The following GPC6 variants were observed in gnomAD, a reference collection of about 807,000 sequenced individuals.
The protein encoded by GPC6 is glypican-6.
Under a neutral mutation model 55.2 loss-of-function variants are expected in GPC6, and 14 were observed. The observed-to-expected ratio is 0.25, with a 90% confidence interval of 0.17 to 0.40. The LOEUF (loss-of-function observed/expected upper bound fraction) is 0.40. Ranked by LOEUF, GPC6 falls within the 10% of genes least tolerant of loss-of-function variation. GPC6 has a pLI of 1.00. For synonymous variants in GPC6, 278 were observed against 259.6 expected (o/e 1.07, Z -0.68); for missense variants, 641 against 708.5 (o/e 0.90, Z 1.08).
At chr13:93,368,390 G>GTCCTTCCTTCCTTCCTTCCT (rs1168320888) in intron 1 of GPC6, among the ~76,000 whole-genome samples, 41 of 56,314 alleles carry the variant, frequency 7.3e-4, no homozygotes, top group East Asian at 2.3e-3. Flanking sequence ...CCTTCCTTCC[G>GTCCTTCCTTCCTTCCTTCCT]TCCTTCCTTC....
At chr13:93,851,585 T>C (rs1888400837) in intron 3 of GPC6, among the ~76,000 whole-genome samples, 1 of 151,854 alleles carries the variant, frequency 6.6e-6, no homozygotes, top group Admixed American at 6.6e-5. Context: ...TATGCTAAAG[T>C]TTCCACTGAC....
chr13:93,490,058 G>T (rs1250941951), intron 1 of GPC6, among the ~76,000 whole-genome samples: 1 of 151,326 alleles, frequency 6.6e-6, no homozygotes, highest in Non-Finnish European at 1.5e-5. Flanking sequence ...TTTTCAAAGG[G>T]AATGCTTCCA....
At chr13:93,520,041 T>C (rs1478932234) in intron 1 of GPC6, among the ~76,000 whole-genome samples, 1 of 151,974 alleles carries the variant, frequency 6.6e-6, no homozygotes, top group Non-Finnish European at 1.5e-5. Flanking sequence ...TCATTCATCA[T>C]AGATTTTACT....
chr13:94,259,142 C>T (rs983381695), intron 4 of GPC6, among the ~76,000 whole-genome samples: 1 of 151,956 alleles, frequency 6.6e-6, no homozygotes, highest in African/African-American at 2.4e-5. Flanking sequence ...TCCCAGAAGC[C>T]CCCTTCTCAT....
intron 2 of GPC6, among the ~76,000 whole-genome samples, chr13:93,575,000 AGGTGAATTGTTGGCCAGGCAC>A (rs1876589459): frequency 6.6e-6 from 1 of 152,174 alleles, no homozygotes; most frequent in Non-Finnish European, 1.5e-5. Flanking sequence ...TTCAATGAAA[AGGTGAATTGTTGGCCAGGCAC>A]GGTGGCTCAT....
At chr13:93,664,296 T>C (rs1233657801) in intron 2 of GPC6, among the ~76,000 whole-genome samples, 1 of 152,208 alleles carries the variant, frequency 6.6e-6, no homozygotes, top group Non-Finnish European at 1.5e-5. Flanking sequence ...AAGATCATGC[T>C]TTTAAAAAGC....
chr13:94,230,144 G>A (rs1346137737), intron 4 of GPC6, among the ~76,000 whole-genome samples: 1 of 152,080 alleles, frequency 6.6e-6, no homozygotes, highest in Non-Finnish European at 1.5e-5. Context: ...TCCTCATGGG[G>A]TCACTGGAAG....
At chr13:93,386,055 C>G (rs1274517709) in intron 1 of GPC6, among the ~76,000 whole-genome samples, 1 of 145,670 alleles carries the variant, frequency 6.9e-6, no homozygotes, top group Non-Finnish European at 1.5e-5. Flanking sequence ...AGCACCCTCA[C>G]TGGGTAATCT....
At chr13:93,816,936 T>C (rs1030875409) in intron 2 of GPC6, among the ~76,000 whole-genome samples, 1 of 152,236 alleles carries the variant, frequency 6.6e-6, no homozygotes, top group Non-Finnish European at 1.5e-5. Context: ...GTGAAGCTTA[T>C]GTTTCAGGTA....
At chr13:93,620,922 T>C (rs1277134531) in intron 2 of GPC6, among the ~76,000 whole-genome samples, 12 of 152,308 alleles carry the variant, frequency 7.9e-5, no homozygotes, top group African/African-American at 2.6e-4. Context: ...TTTCATCTCA[T>C]TGGGCTGCAC....
intron 1 of GPC6, among the ~76,000 whole-genome samples, chr13:93,497,311 C>T (rs1193456014): frequency 6.6e-6 from 1 of 152,114 alleles, no homozygotes; most frequent in Non-Finnish European, 1.5e-5. Context: ...GACTTGTCAC[C>T]CCGCTTTATG....
Position 93,922,315 on chromosome 13 carries a change from C to T in GPC6, c.711+91770C>T, listed in dbSNP as rs567534418. On this transcript the variant is annotated intron_variant, in intron 3 of 8. Coordinates refer to ENST00000377047, the MANE Select transcript of GPC6 (RefSeq NM_005708.5). ...AAAAGGCTATGTATCCTCTTAACAA[C>T]GGAAACAAACATAAATAGCAAGATT... Among the ~76,000 whole-genome samples, 101 of 152,088 alleles carry T rather than the reference C, an allele frequency of 6.6e-4. 2 individuals are homozygous for T. In the South Asian group the frequency reaches 0.019, roughly 29 times the overall value.
chr13:94,216,872 G>A (rs1890241391), intron 4 of GPC6, among the ~76,000 whole-genome samples: 1 of 152,130 alleles, frequency 6.6e-6, no homozygotes, highest in Admixed American at 6.5e-5. Context: ...ACCCAGGGAG[G>A]TCTCCTCTAA....
chr13:93,389,765 T>G (rs1430048261), intron 1 of GPC6, among the ~76,000 whole-genome samples: 4 of 152,110 alleles, frequency 2.6e-5, no homozygotes, highest in Admixed American at 2.6e-4. Context: ...ATTTATTTAT[T>G]TATTTACATA....
chr13:94,338,577 T>C (rs532670136), intron 6 of GPC6, among the ~76,000 whole-genome samples: 67 of 152,308 alleles, frequency 4.4e-4, no homozygotes, highest in African/African-American at 1.6e-3. Context: ...CAGCAATCTA[T>C]TGAGGGCAAG....
chr13:94,034,542 C>T lies in GPC6; in HGVS notation c.877+6648C>T, dbSNP rs537362655. 1.9e-3 allele frequency among the ~76,000 whole-genome samples: 293 copies of T among 152,066 alleles called. 1 individual carries two copies. The highest frequency in any genetic ancestry group is 6.7e-3 in the African/African-American group (279 of 41,506). On this transcript the variant is annotated intron_variant, in intron 4 of 8. Transcript: ENST00000377047. ...TCTATTTTGAATCAAGCAATTTTCC[C>T]ATGGATCAAAGGAGGCAACATACAT...
intron 3 of GPC6, among the ~76,000 whole-genome samples, chr13:93,947,361 G>C (rs763986581): frequency 2.0e-5 from 3 of 151,922 alleles, no homozygotes; most frequent in Non-Finnish European, 4.4e-5. Flanking sequence ...ACTGAAGTAG[G>C]ACAAACCATC....
intron 4 of GPC6, among the ~76,000 whole-genome samples, chr13:94,238,570 C>G (rs188852704): frequency 6.6e-6 from 1 of 152,274 alleles, no homozygotes; most frequent in Non-Finnish European, 1.5e-5. Context: ...CTGGAGGACT[C>G]AGACACAGGA....
At chr13:93,676,025 C>T (rs1230873106) in intron 2 of GPC6, among the ~76,000 whole-genome samples, 1 of 149,214 alleles carries the variant, frequency 6.7e-6, no homozygotes, top group Non-Finnish European at 1.5e-5. Flanking sequence ...AATCACAGCA[C>T]TTTGGGAGGC....
Sources: allele counts gnomAD v4.1 joint callset (sites outside exome capture counted in the v4.1 genomes callset), GRCh38; gene constraint gnomAD v4.1.1; transcripts MANE v1.5; gene names NCBI Gene and HGNC (gene_info 2026-07-23, HGNC 2026-07-21).